MGAT4B: variants seen among roughly 807,000 people sequenced by gnomAD.
MGAT4B encodes alpha-1,3-mannosyl-glycoprotein 4-beta-N-acetylglucosaminyltransferase B.
In MGAT4B, 38 loss-of-function variants were observed where a neutral mutation model predicts 73.9. The observed-to-expected ratio is 0.51, with a 90% CI of 0.40 to 0.67. The LOEUF is 0.67. MGAT4B is among the 30% of genes least tolerant of loss of function. MGAT4B has a pLI of 0.00. For missense variants in MGAT4B, 686 were observed against 735.2 expected (o/e 0.93, Z 0.77); for synonymous variants, 373 against 313.5 (o/e 1.19, Z -2.01).
At position 179,803,258 on chromosome 5, in the gene MGAT4B, A is replaced by G. The variant is rs898933971; in HGVS notation, c.98-1289T>C. On this transcript the variant is annotated intron_variant, in intron 1 of 14. Transcript: ENST00000292591. ...CCACACCCTGCCTCTCTGGGGCTAAAGGCTGAGGCAAAGCGGAGCCTCTGG... is the reference window on the plus strand; with the variant it reads ...CCACACCCTGCCTCTCTGGGGCTAAGGGCTGAGGCAAAGCGGAGCCTCTGG... The G allele has an allele frequency of 1.3e-5, 13 of 985,206 alleles. No homozygotes were observed. The African/African-American group carries it at 2.3e-4, about 17-fold the overall frequency. 61.0% of individuals were successfully genotyped at this position (985,206 alleles called of 1,614,324 possible).
intron 1 of MGAT4B, chr5:179,802,274 A>G: frequency 7.1e-7 from 1 of 1,416,158 alleles, no homozygotes; most frequent in Non-Finnish European, 9.2e-7. Flanking sequence ...GTGGATCCTA[A>G]GCAAGGGCTG....
At position 179,800,133 on chromosome 5, in the gene MGAT4B, A is replaced by AGGGCAGGGCG. The variant is rs761051622; in HGVS notation, c.795+41_795+50dup. On this transcript the variant is annotated intron_variant, in intron 7 of 14. Transcript: ENST00000292591. ...CACCCAGATGGACCAGACCCATCGC[A>AGGGCAGGGCG]GGGCAGGGCGGCGCAGGGCAGGGCA... 2.5e-6 allele frequency: 4 copies of AGGGCAGGGCG among 1,610,316 alleles called. No homozygotes were observed. The Admixed American group carries it at 5.0e-5, about 20-fold the overall frequency.
chr5:179,802,516 G>A (rs1756989061), intron 1 of MGAT4B: 3 of 1,009,446 alleles, frequency 3.0e-6, no homozygotes, highest in Non-Finnish European at 3.6e-6. Flanking sequence ...TTGCTCAGGT[G>A]AGCAAATGAG....
Position 179,801,517 on chromosome 5 carries a change from C to A in MGAT4B, c.424+37G>T, listed in dbSNP as rs765825518. On this transcript the variant is annotated intron_variant, in intron 3 of 14. Coordinates refer to ENST00000292591, the MANE Select transcript of MGAT4B (RefSeq NM_014275.5). The surrounding 1 kb of genome is among the most constrained non-coding windows in gnomAD (Gnocchi z 4.8). ...TGGAAAGGGTGCGGGGGCCACCCGT[C>A]CCCCCACCCCGTGCTCCTCCCTGTC... 5 of 1,601,832 alleles carry A rather than the reference C, an allele frequency of 3.1e-6. No individual in the cohort carries two copies. The highest frequency in any genetic ancestry group is 2.2e-5 in the South Asian group (2 of 90,676).
At position 179,801,967 on chromosome 5, in the gene MGAT4B, C is replaced by T. The variant is rs569073272; in HGVS notation, c.100G>A (p.Asp34Asn). Residue 34 changes from aspartate to asparagine, a missense_variant and splice_region_variant, in exon 2 of 15, where the codon GAC becomes AAC. Transcript: ENST00000292591. This position sits in a 1 kb window ranked among gnomAD's most constrained non-coding sequence, Gnocchi z 4.8. Reference sequence around the variant, plus strand: ...TCCCGCTGGTAAACGTCCACAACGTCGCCTGCAGGTGGTAGGCAAGCCGTC... The same window carrying T: ...TCCCGCTGGTAAACGTCCACAACGTTGCCTGCAGGTGGTAGGCAAGCCGTC... ...WYAALSGQKGDVVDVYQREFL... is the reference protein window; with the variant it reads ...WYAALSGQKGNVVDVYQREFL... 2.5e-6 allele frequency: 4 copies of T among 1,613,402 alleles called. No homozygotes were observed. Among genetic ancestry groups the T allele is most frequent in the Admixed American group, 3.3e-5 (2 of 60,028 alleles).
chr5:179,799,906 G>A (rs1397569193), intron 8 of MGAT4B, 48 bp downstream of exon 8: 3 of 1,518,524 alleles, frequency 2.0e-6, no homozygotes, highest in South Asian at 1.1e-5. Flanking sequence ...GAGGATGGCA[G>A]AGGCAGGTGG....
chr5:179,805,976 GCCTC>G (rs76500766), intron 1 of MGAT4B, among the ~76,000 whole-genome samples: 109,676 of 148,018 alleles, frequency 0.74, 40,741 homozygotes, highest in Non-Finnish European at 0.79. Context: ...GCCTCAGGAC[GCCTC>G]CCTCCCTCCC....
In MGAT4B at chr5:179,801,432, C is replaced by G; in HGVS notation, c.460G>C (p.Glu154Gln). The G allele has an allele frequency of 6.2e-7, 1 of 1,610,704 alleles. No individual in the cohort carries two copies. The highest frequency in any genetic ancestry group is 8.5e-7 in the Non-Finnish European group (1 of 1,178,182). Residue 154 changes from glutamate (E) to glutamine (Q), a missense_variant, in exon 4 of 15, where the codon GAG (glutamate) becomes CAG (glutamine). Physicochemically the swap from Glu to Gln is conservative, Grantham distance 29. Transcript: ENST00000292591. The surrounding 1 kb of genome is among the most constrained non-coding windows in gnomAD (Gnocchi z 4.8). ...VVMGIPSVRREVHSYLTDTLH... is the reference protein window; with the variant it reads ...VVMGIPSVRRQVHSYLTDTLH... ...GTGTCAGTCAGGTACGAGTGCACCT[C>G]GCGCCGCACGCTCGGGATGCCCATC...
Position 179,806,172 on chromosome 5 carries a change from G to A in MGAT4B, c.97+315C>T, listed in dbSNP as rs112938505. On this transcript the variant is annotated intron_variant, in intron 1 of 14. Coordinates refer to ENST00000292591, the MANE Select transcript of MGAT4B (RefSeq NM_014275.5). This position sits in a 1 kb window ranked among gnomAD's most constrained non-coding sequence, Gnocchi z 4.6. Reference sequence around the variant, plus strand: ...GCTCCTGCCCAGGTGGCTGTGGCTGGCGTTCCGGGACCTCTGTGACCTTGG... The same window carrying A: ...GCTCCTGCCCAGGTGGCTGTGGCTGACGTTCCGGGACCTCTGTGACCTTGG... The A allele has an allele frequency of 0.021, 3,260 of 155,898 alleles. 55 individuals carry two copies. Among genetic ancestry groups the A allele is most frequent in the African/African-American group, 0.037 (1,552 of 41,622 alleles). 9.7% of individuals were successfully genotyped at this position (155,898 alleles called of 1,614,324 possible). A position where few individuals can be genotyped will look rare whatever the true frequency, so the allele number is the denominator to read the frequency against.
Position 179,799,031 on chromosome 5 carries a change from T to C in MGAT4B, c.1240A>G (p.Thr414Ala). 1 of 1,613,856 alleles carries C rather than the reference T, an allele frequency of 6.2e-7. No individual in the cohort carries two copies. Among genetic ancestry groups the C allele is most frequent in the Non-Finnish European group, 8.5e-7 (1 of 1,180,014 alleles). Residue 414 changes from threonine to alanine, a missense_variant, in exon 11 of 15, where the codon ACC becomes GCC. Transcript: ENST00000292591. ...TCGCGCAGGTAGGCTTTCTCCAGGG[T>C]GAAGTGCTGGTATGTCTTCAGGCTC... ...STSLKTYQHF[T>A]LEKAYLREDF...
At chr5:179,804,726 T>G (rs969625011) in intron 1 of MGAT4B, among the ~76,000 whole-genome samples, 1 of 152,160 alleles carries the variant, frequency 6.6e-6, no homozygotes, top group African/African-American at 2.4e-5. Context: ...GGCTGCAAAG[T>G]GGAGGCCAGG....
Position 179,800,963 on chromosome 5 carries a change from G to A in MGAT4B, c.559-10C>T, listed in dbSNP as rs1309430943. ...TGTACTGTGAGTCAGTCTGTGGGGA[G>A]ACCAAGCACCCTCCCTTAGCCCTGC... On this transcript the variant is annotated splice_polypyrimidine_tract_variant and intron_variant, in intron 4 of 14. Transcript: ENST00000292591. 1 of 1,613,840 alleles carries A rather than the reference G, an allele frequency of 6.2e-7. No individual in the cohort carries two copies. The highest frequency in any genetic ancestry group is 2.2e-5 in the East Asian group (1 of 44,850).
In MGAT4B at chr5:179,806,667, G is replaced by A. The variant is rs1271711939; in HGVS notation, c.-84C>T. On this transcript the variant is annotated 5_prime_UTR_variant, in exon 1 of 15. Coordinates refer to ENST00000292591, the MANE Select transcript of MGAT4B (RefSeq NM_014275.5). The surrounding 1 kb of genome is among the most constrained non-coding windows in gnomAD (Gnocchi z 4.6). Reference sequence around the variant, plus strand: ...GGCCGGGGCGCAGGGGTCGGAAGGCGGCGGCGGCGGCGGCAGGGGCCCCGG... The same window carrying A: ...GGCCGGGGCGCAGGGGTCGGAAGGCAGCGGCGGCGGCGGCAGGGGCCCCGG... The A allele has an allele frequency of 4.7e-6, 3 of 633,112 alleles. No individual in the cohort carries two copies. Among genetic ancestry groups the A allele is most frequent in the South Asian group, 6.6e-5 (1 of 15,192 alleles). The allele number at this position is 633,112 out of a possible 1,614,324, so 39.2% of individuals were successfully genotyped here. A position where few individuals can be genotyped will look rare whatever the true frequency, so the allele number is the denominator to read the frequency against.
Position 179,801,341 on chromosome 5 carries a change from A to T in MGAT4B, c.551T>A (p.Ile184Asn), listed in dbSNP as rs781590272. 6.2e-7 allele frequency: 1 copy of T among 1,609,484 alleles called. No homozygotes were observed. The highest frequency in any genetic ancestry group is 1.7e-5 in the Admixed American group (1 of 59,924). Residue 184 changes from isoleucine (I) to asparagine (N), a missense_variant, in exon 4 of 15, where the codon ATC (isoleucine) becomes AAC (asparagine). Around this residue, in one of 2 missense-constraint regions of MGAT4B, gnomAD observed 449 missense variants for 536.8 expected, o/e 0.84. Coordinates refer to ENST00000292591, the MANE Select transcript of MGAT4B (RefSeq NM_014275.5). This position sits in a 1 kb window ranked among gnomAD's most constrained non-coding sequence, Gnocchi z 4.8. ...EKEDSVIVVL[I>N]AETDSQYTSA... ...GCGTCCCGGCTCACTCGCCTCGGCG[A>T]TCAGCACCACGATGACCGAGTCCTC...
At position 179,798,280 on chromosome 5, in the gene MGAT4B, G is replaced by A. The variant is rs1756738539; in HGVS notation, c.1511-3C>T. 1 of 1,612,760 alleles carries A rather than the reference G, an allele frequency of 6.2e-7. No individual in the cohort carries two copies. Among genetic ancestry groups the A allele is most frequent in the Non-Finnish European group, 8.5e-7 (1 of 1,179,830 alleles). ...TGCCACTCCCTTGTAGAAGGAGCCT[G>A]TGGGAGGGCAGTGGTGAGAGGGTGT... On this transcript the variant is annotated splice_polypyrimidine_tract_variant and splice_region_variant and intron_variant, in intron 13 of 14. Coordinates refer to ENST00000292591, the MANE Select transcript of MGAT4B (RefSeq NM_014275.5).
In MGAT4B at chr5:179,801,760, T is replaced by TGC; in HGVS notation, c.283+23_283+24insGC. On this transcript the variant is annotated intron_variant, in intron 2 of 14. Transcript: ENST00000292591. The surrounding 1 kb of genome is among the most constrained non-coding windows in gnomAD (Gnocchi z 4.8). ...CTACAACCAGCCCGCCCCCGCCTTT[T>TGC]CCCCCTCCCGCCCCAGACCTCACCT... 6.4e-7 allele frequency: 1 copy of TGC among 1,564,252 alleles called. No individual in the cohort carries two copies. The highest frequency in any genetic ancestry group is 8.7e-7 in the Non-Finnish European group (1 of 1,151,710).
rs1229337631 is a variant in MGAT4B at position 179,801,803 on chromosome 5, G to A, written c.264C>T (p.Arg88=). The change falls in exon 2 of 15, where the codon CGC becomes CGT. Residue 88 remains arginine (R), a synonymous_variant. Coordinates refer to ENST00000292591, the MANE Select transcript of MGAT4B (RefSeq NM_014275.5). This position sits in a 1 kb window ranked among gnomAD's most constrained non-coding sequence, Gnocchi z 4.8. ...CCTCACCTGTTAGGCGGCCCCAGGT[G>A]CGATTGCCGTCTCCGTCTCGCAGCG... ...RQALRDGDGN[R]TWGRLTEDPR... is the part of the protein sequence containing the mutation. 1 of 1,595,292 alleles carries A rather than the reference G, an allele frequency of 6.3e-7. No homozygotes were observed. The highest frequency in any genetic ancestry group is 1.7e-5 in the Admixed American group (1 of 58,678).
chr5:179,800,282 A>C (rs916809546), intron 6 of MGAT4B, 23 bp from the exon 7 acceptor site: 14 of 1,612,420 alleles, frequency 8.7e-6, no homozygotes, highest in Non-Finnish European at 1.2e-5. Context: ...GCGGGGCCTC[A>C]GAAGTTCAGA....
In MGAT4B at chr5:179,799,794, G is replaced by A. The variant is rs908098586; in HGVS notation, c.911-158C>T. 25 of 1,266,104 alleles carry A rather than the reference G, an allele frequency of 2.0e-5. No individual in the cohort carries two copies. The Middle Eastern group carries it at 6.3e-4, about 32-fold the overall frequency. 78.4% of individuals were successfully genotyped at this position (1,266,104 alleles called of 1,614,324 possible). On this transcript the variant is annotated intron_variant, in intron 8 of 14. Transcript: ENST00000292591. ...ACAGGTGATGAGGGCAGACATGTCT[G>A]ATGCACAGGCAATGAGAACAGGCCA...
Sources: gnomAD v4.1 joint callset for allele counts (sites outside exome capture counted in the v4.1 genomes callset) on GRCh38, gnomAD v4.1.1 for gene constraint, gnomAD v4.1.1 regional missense constraint, Gnocchi (gnomAD v3.1) non-coding constraint, MANE v1.5 for transcripts, NCBI Gene and HGNC (gene_info 2026-07-23, HGNC 2026-07-21) for gene names.